The following LRRK1 variants were observed in gnomAD, a reference collection of about 807,000 sequenced individuals.
The protein encoded by LRRK1 is leucine rich repeat kinase 1, also known as leucine-rich repeat serine/threonine-protein kinase 1.
LRRK1 carries 113 observed loss-of-function variants against 209.1 expected under a neutral mutation model. That is an observed-to-expected ratio of 0.54 (90% CI 0.46 to 0.63). The LOEUF (loss-of-function observed/expected upper bound fraction) is 0.63. Ranked by LOEUF, LRRK1 falls within the 30% of genes least tolerant of loss-of-function variation. LRRK1 has a pLI of 0.00. For missense variants in LRRK1, 2,284 were observed against 2,632.2 expected, an observed-to-expected ratio of 0.87 and a Z score of 2.89; for synonymous variants, 1,144 against 1,099.7, an observed-to-expected ratio of 1.04 and a Z score of -0.80.
chr15:101,067,371 C>T (rs902368891), intron 33 of LRRK1: 1 of 449,476 alleles, frequency 2.2e-6, no homozygotes, highest in African/African-American at 2.0e-5. Flanking sequence ...CGCACTTTGA[C>T]TACCGAGCCC....
chr15:101,044,334 G>T (rs191933031), intron 20 of LRRK1, among the ~76,000 whole-genome samples: 1 of 152,236 alleles, frequency 6.6e-6, no homozygotes, highest in African/African-American at 2.4e-5. Flanking sequence ...GTCTGAGGCT[G>T]TCTCAGTGGG....
intron 6 of LRRK1, among the ~76,000 whole-genome samples, chr15:101,003,283 A>T (rs2032790314): frequency 6.6e-6 from 1 of 152,102 alleles, no homozygotes; most frequent in African/African-American, 2.4e-5. Context: ...CTTCCCTCCC[A>T]GCTTGAGTTT....
chr15:101,036,065 G>A (rs1343645813), intron 20 of LRRK1, among the ~76,000 whole-genome samples: 2 of 152,136 alleles, frequency 1.3e-5, no homozygotes, highest in Admixed American at 6.5e-5. Context: ...GTGCCATGGA[G>A]AAGACCTTCT....
rs944647388 is a variant in LRRK1, at chr15:101,015,260, A to G, written c.1533-66A>G. 6 of 1,317,178 alleles carry G rather than the reference A, an allele frequency of 4.6e-6. No homozygotes were observed. In the African/African-American group the frequency reaches 5.8e-5, roughly 13 times the overall value. 81.6% of individuals were successfully genotyped at this position (1,317,178 alleles called of 1,614,324 possible). ...TATCTCCGTGGCTTGGCATTATAAC[A>G]TCACAGCCAAAAGTAATGCTTTTGT... On this transcript the variant is annotated intron_variant, in intron 11 of 33. Transcript: ENST00000388948.
At chr15:101,065,202 C>A in intron 31 of LRRK1, 150 bp from the exon 32 acceptor site, 1 of 812,756 alleles carries the variant, frequency 1.2e-6, no homozygotes, top group Non-Finnish European at 1.9e-6. Flanking sequence ...GTAGCCCCGG[C>A]CTTTCTAAGA....
intron 2 of LRRK1, among the ~76,000 whole-genome samples, chr15:100,935,291 G>C (rs905661715): frequency 2.0e-5 from 3 of 152,344 alleles, no homozygotes; most frequent in Middle Eastern, 6.8e-3. Flanking sequence ...AGGTGTCTGG[G>C]GGGAGGTGGC....
At chr15:100,959,218 T>A (rs1265946243) in intron 2 of LRRK1, among the ~76,000 whole-genome samples, 1 of 152,170 alleles carries the variant, frequency 6.6e-6, no homozygotes, top group Non-Finnish European at 1.5e-5. Flanking sequence ...GACGACCCCC[T>A]TACTAATATG....
At position 101,051,386 on chromosome 15, in the gene LRRK1, G is replaced by A. The variant is rs1052498184; in HGVS notation, c.3440-325G>A. ...GGAGGATAGCTCACACCTAGTCTGCGATGACCTGTTAGGGCCCAGTCATGC... is the reference window on the plus strand; with the variant it reads ...GGAGGATAGCTCACACCTAGTCTGCAATGACCTGTTAGGGCCCAGTCATGC... On this transcript the variant is annotated intron_variant, in intron 23 of 33. Coordinates refer to ENST00000388948, the MANE Select transcript of LRRK1 (RefSeq NM_024652.6). 7.2e-5 allele frequency among the ~76,000 whole-genome samples: 11 copies of A among 152,290 alleles called. No homozygotes were observed. In the East Asian group the frequency reaches 2.1e-3, roughly 29 times the overall value.
chr15:101,027,772 C>G lies in LRRK1; in HGVS notation c.2661C>G (p.Ile887Met), dbSNP rs757689685. ...TGGAGCAGACGCCCGACAACGACAT[C>G]AAGGACTACGAGGACCTGCAGTCAG... ...QLVEQTPDND[I>M]KDYEDLQSAI... The change falls in exon 19 of 34, where the codon ATC becomes ATG. Residue 887 changes from isoleucine (I) to methionine (M), a missense_variant. Around this residue, in one of 6 missense-constraint regions of LRRK1, gnomAD observed 780 missense variants for 985.2 expected, o/e 0.79. Transcript: ENST00000388948. This position sits in a 1 kb window ranked among gnomAD's most constrained non-coding sequence, Gnocchi z 5.1. 3 of 1,595,218 alleles carry G rather than the reference C, an allele frequency of 1.9e-6. No individual in the cohort carries two copies. Among genetic ancestry groups the G allele is most frequent in the Non-Finnish European group, 2.6e-6 (3 of 1,171,012 alleles).
chr15:100,978,284 A>G (rs2031408576), intron 3 of LRRK1, among the ~76,000 whole-genome samples: 2 of 152,238 alleles, frequency 1.3e-5, no homozygotes, highest in African/African-American at 2.4e-5. Context: ...CAGTCATGTC[A>G]TCAGAATCCC....
intron 27 of LRRK1, 75 bp from the exon 28 acceptor site, chr15:101,056,781 C>T (rs1015140645): frequency 1.7e-6 from 2 of 1,178,168 alleles, no homozygotes; most frequent in Non-Finnish European, 2.4e-6. Flanking sequence ...TCTCCCTGGT[C>T]CCTCCACCTG....
chr15:101,058,165 C>G, intron 29 of LRRK1, 24 bp downstream of exon 29: 1 of 1,610,776 alleles, frequency 6.2e-7, no homozygotes, highest in Non-Finnish European at 8.5e-7. Context: ...GGCTGCCCTG[C>G]CCCCTTTGTA....
chr15:100,963,710 C>T (rs181682902), intron 2 of LRRK1, among the ~76,000 whole-genome samples: 6 of 152,278 alleles, frequency 3.9e-5, no homozygotes, highest in African/African-American at 7.2e-5. Context: ...GAGAACAGGC[C>T]GACTTCCCGC....
At chr15:100,966,172 C>A (rs2141642557) in intron 2 of LRRK1, among the ~76,000 whole-genome samples, 1 of 152,202 alleles carries the variant, frequency 6.6e-6, no homozygotes, top group Non-Finnish European at 1.5e-5. Context: ...TACCAATTCT[C>A]AAATACAAAA....
chr15:100,986,361 G>A (rs962829709), intron 4 of LRRK1, among the ~76,000 whole-genome samples: 28 of 152,224 alleles, frequency 1.8e-4, no homozygotes, highest in African/African-American at 6.3e-4. Flanking sequence ...TCTGAGTGTC[G>A]TTGGCCTTAG....
chr15:101,057,908 G>A (rs1435787898), intron 28 of LRRK1, 82 bp from the exon 29 acceptor site: 2 of 1,460,880 alleles, frequency 1.4e-6, no homozygotes, highest in African/African-American at 1.4e-5. Flanking sequence ...CCCTGGTTGG[G>A]GCTGGCTGAT....
intron 2 of LRRK1, among the ~76,000 whole-genome samples, chr15:100,931,330 C>T (rs1179211176): frequency 6.6e-6 from 1 of 152,194 alleles, no homozygotes; most frequent in Non-Finnish European, 1.5e-5. Flanking sequence ...AAATCACCTA[C>T]CTGGTCGTTT....
At chr15:100,954,113 A>G (rs2042708862) in intron 2 of LRRK1, among the ~76,000 whole-genome samples, 1 of 152,094 alleles carries the variant, frequency 6.6e-6, no homozygotes. Flanking sequence ...ATGAGGTTTC[A>G]TCATATTGGC....
At chr15:100,955,751 G>T (rs1409578757) in intron 2 of LRRK1, among the ~76,000 whole-genome samples, 2 of 152,148 alleles carry the variant, frequency 1.3e-5, no homozygotes, top group African/African-American at 4.8e-5. Context: ...TTCATTATAT[G>T]ATTTTTATCC....
Sources: allele counts gnomAD v4.1 joint callset (sites outside exome capture counted in the v4.1 genomes callset), GRCh38; gene constraint gnomAD v4.1.1; regional missense constraint gnomAD v4.1.1; non-coding constraint Gnocchi (gnomAD v3.1); transcripts MANE v1.5; gene names NCBI Gene and HGNC (gene_info 2026-07-23, HGNC 2026-07-21).